PRDM5: variants seen among roughly 807,000 people sequenced by gnomAD.
The protein encoded by PRDM5 is PR/SET domain 5.
A neutral mutation model predicts 81.2 loss-of-function variants in PRDM5; 56 were observed. The observed-to-expected ratio is 0.69, with a 90% CI of 0.56 to 0.86. The LOEUF is 0.86. Ranked by LOEUF, PRDM5 falls within the 40% of genes least tolerant of loss-of-function variation. PRDM5 has a pLI of 0.00. For missense variants in PRDM5, 697 were observed against 770.1 expected, an observed-to-expected ratio of 0.91 and a Z score of 1.12; for synonymous variants, 267 against 256.4, an observed-to-expected ratio of 1.04 and a Z score of -0.39.
chr4:120,840,757 C>A (rs1356220534), intron 3 of PRDM5, among the ~76,000 whole-genome samples: 2 of 152,224 alleles, frequency 1.3e-5, no homozygotes, highest in Non-Finnish European at 2.9e-5. Flanking sequence ...CCGGACACAT[C>A]ATGGTGGCCC....
intron 13 of PRDM5, among the ~76,000 whole-genome samples, chr4:120,758,156 C>G (rs998452242): frequency 6.6e-6 from 1 of 152,164 alleles, no homozygotes; most frequent in Non-Finnish European, 1.5e-5. Context: ...AATGGCATAT[C>G]ATGGAACTTC....
intron 2 of PRDM5, among the ~76,000 whole-genome samples, chr4:120,901,989 C>T (rs1191210963): frequency 2.0e-5 from 3 of 152,188 alleles, no homozygotes; most frequent in Non-Finnish European, 4.4e-5. Flanking sequence ...GATCTTGGAG[C>T]AGTTGTAAAG....
intron 14 of PRDM5, among the ~76,000 whole-genome samples, chr4:120,722,315 G>C (rs1738742661): frequency 1.3e-5 from 2 of 152,072 alleles, no homozygotes; most frequent in African/African-American, 4.8e-5. Context: ...AGAGAGAGCA[G>C]AACAAAAAAT....
intron 14 of PRDM5, among the ~76,000 whole-genome samples, chr4:120,730,064 T>C (rs1740027613): frequency 6.6e-6 from 1 of 152,240 alleles, no homozygotes; most frequent in Non-Finnish European, 1.5e-5. Flanking sequence ...TTAGAACATC[T>C]TGATGGCTGC....
intron 13 of PRDM5, among the ~76,000 whole-genome samples, chr4:120,757,630 T>C (rs1298363011): frequency 6.6e-6 from 1 of 152,150 alleles, no homozygotes; most frequent in Non-Finnish European, 1.5e-5. Context: ...GCAGGCATCA[T>C]CCAATCCATT....
At chr4:120,863,215 CACACACACACAT>C (rs1178203595) in intron 2 of PRDM5, among the ~76,000 whole-genome samples, 18 of 141,612 alleles carry the variant, frequency 1.3e-4, no homozygotes, top group Admixed American at 1.4e-4. Context: ...CACACACACA[CACACACACACAT>C]ATATATGTAT....
intron 3 of PRDM5, among the ~76,000 whole-genome samples, chr4:120,825,543 C>G (rs1755852794): frequency 6.6e-6 from 1 of 152,138 alleles, no homozygotes; most frequent in Non-Finnish European, 1.5e-5. Context: ...CCCTTCAAAG[C>G]ATGCTCAGAA....
intron 2 of PRDM5, among the ~76,000 whole-genome samples, chr4:120,887,104 C>A (rs1763525618): frequency 6.6e-6 from 1 of 152,124 alleles, no homozygotes; most frequent in Non-Finnish European, 1.5e-5. Context: ...CGCCACCACG[C>A]CTGGCTAATT....
chr4:120,911,497 T>A (rs1766501331), intron 1 of PRDM5, among the ~76,000 whole-genome samples: 1 of 152,218 alleles, frequency 6.6e-6, no homozygotes, highest in South Asian at 2.1e-4. Flanking sequence ...ATCCATTCAA[T>A]CTTCTATTCA....
At chr4:120,782,601 A>G (rs1749194171) in intron 11 of PRDM5, among the ~76,000 whole-genome samples, 1 of 152,148 alleles carries the variant, frequency 6.6e-6, no homozygotes, top group African/African-American at 2.4e-5. Context: ...CGTCCATACA[A>G]TGCATGAACT....
intron 2 of PRDM5, among the ~76,000 whole-genome samples, chr4:120,874,601 T>A (rs565366837): frequency 7.5e-4 from 115 of 152,320 alleles, no homozygotes; most frequent in African/African-American, 2.6e-3. Flanking sequence ...ACAGCCAATT[T>A]AAATCAAAGC....
chr4:120,684,813 TA>T (rs543400184), downstream of PRDM5: 59 of 152,058 alleles, frequency 3.9e-4, no homozygotes, highest in East Asian at 1.9e-3. Flanking sequence ...ATGAATTACA[TA>T]AAAAAATTAA....
At chr4:120,753,964 G>A (rs1744358214) in intron 14 of PRDM5, among the ~76,000 whole-genome samples, 1 of 152,152 alleles carries the variant, frequency 6.6e-6, no homozygotes, top group Non-Finnish European at 1.5e-5. Context: ...ACAGATGCTT[G>A]AGTCTGGAAA....
chr4:120,805,218 C>G (rs573964721), intron 8 of PRDM5, among the ~76,000 whole-genome samples: 1 of 152,166 alleles, frequency 6.6e-6, no homozygotes, highest in African/African-American at 2.4e-5. Context: ...AATAGCCTAC[C>G]AACCAAAAAA....
In PRDM5 at chr4:120,894,274, C is replaced by T. The variant is rs558528491; in HGVS notation, c.177+13200G>A. ...CAATGCTTTAATTACAGTTACTTCCCTCCAGCCATTCAAATTGTTCTTATT... is the reference window on the plus strand; with the variant it reads ...CAATGCTTTAATTACAGTTACTTCCTTCCAGCCATTCAAATTGTTCTTATT... On this transcript the variant is annotated intron_variant, in intron 2 of 15. Coordinates refer to ENST00000264808, the MANE Select transcript of PRDM5 (RefSeq NM_018699.4). Among the ~76,000 whole-genome samples, 131 of 152,244 alleles carry T rather than the reference C, an allele frequency of 8.6e-4. 1 individual carries two copies. The highest frequency in any genetic ancestry group is 3.0e-3 in the African/African-American group (126 of 41,530).
chr4:120,780,848 T>C (rs185031267), intron 12 of PRDM5, among the ~76,000 whole-genome samples: 313 of 152,206 alleles, frequency 2.1e-3, no homozygotes, highest in Middle Eastern at 0.02. Context: ...CAAAAATATA[T>C]AAAAATTGAT....
chr4:120,776,985 T>G lies in PRDM5; in HGVS notation c.1537+203A>C, dbSNP rs531723085. Among the ~76,000 whole-genome samples the G allele has an allele frequency of 2.6e-5, 4 of 152,318 alleles. No homozygotes were observed. In the South Asian group the frequency reaches 8.3e-4, roughly 32 times the overall value. On this transcript the variant is annotated intron_variant, in intron 13 of 15. Transcript: ENST00000264808. ...TTAAAAACATTATTTCCACTTTAGA[T>G]GTTTTACTTAGTTTAAGAAAATATA...
At chr4:120,857,142 G>A (rs1033981153) in intron 2 of PRDM5, among the ~76,000 whole-genome samples, 53 of 152,220 alleles carry the variant, frequency 3.5e-4, no homozygotes, top group African/African-American at 1.2e-3. Context: ...GATCACCTGA[G>A]GGTAGGAGTT....
In PRDM5 at chr4:120,816,925, C is replaced by T; in HGVS notation, c.651-1G>A. 2 of 1,608,462 alleles carry T rather than the reference C, an allele frequency of 1.2e-6. No homozygotes were observed. Among genetic ancestry groups the T allele is most frequent in the South Asian group, 1.1e-5 (1 of 90,966 alleles). On this transcript the variant is annotated splice_acceptor_variant, in intron 5 of 15. Coordinates refer to ENST00000264808, the MANE Select transcript of PRDM5 (RefSeq NM_018699.4). LOFTEE classifies it high-confidence loss of function. ...GCTTTTCGCTGTGCACTGAAGAACA[C>T]TAAAGGGAAATAGGAAAAAGAGAAA...
Sources: gnomAD v4.1 joint callset for allele counts (sites outside exome capture counted in the v4.1 genomes callset) on GRCh38, gnomAD v4.1.1 for gene constraint, MANE v1.5 for transcripts, NCBI Gene and HGNC (gene_info 2026-07-23, HGNC 2026-07-21) for gene names.